Variants in TM9SF3 observed in about 807,000 individuals in gnomAD.
TM9SF3 encodes SM-11044-binding protein.
TM9SF3 carries 14 observed loss-of-function variants against 78.6 expected under a neutral mutation model. The ratio of observed to expected loss-of-function variants is 0.18; its 90% CI spans 0.12 to 0.28. TM9SF3 has a LOEUF of 0.28. TM9SF3 is among the 10% of genes least tolerant of loss of function. The pLI, the probability that TM9SF3 is intolerant of heterozygous loss-of-function variation, is 1.00. For missense variants in TM9SF3, 496 were observed against 721.9 expected, an observed-to-expected ratio of 0.69 and a Z score of 3.59; for synonymous variants, 231 against 241.7, an observed-to-expected ratio of 0.96 and a Z score of 0.41.
chr10:96,543,870 A>C, intron 9 of TM9SF3: 1 of 302,496 alleles, frequency 3.3e-6, no homozygotes, highest in Non-Finnish European at 6.0e-6. Flanking sequence ...TCAAGAAAAA[A>C]TAAAAAGCCA....
chr10:96,556,426 A>G (rs1380831992), intron 5 of TM9SF3, among the ~76,000 whole-genome samples: 2 of 152,196 alleles, frequency 1.3e-5, no homozygotes, highest in African/African-American at 4.8e-5. Flanking sequence ...TCATTTAACC[A>G]AGGTCATAGT....
intron 8 of TM9SF3, 28 bp downstream of exon 8, chr10:96,547,866 AC>A: frequency 6.5e-7 from 1 of 1,535,630 alleles, no homozygotes; most frequent in Non-Finnish European, 8.9e-7. Flanking sequence ...TCTATAATTA[AC>A]AACATGAAGT....
At chr10:96,570,798 T>A (rs1416901650) in intron 2 of TM9SF3, among the ~76,000 whole-genome samples, 1 of 152,104 alleles carries the variant, frequency 6.6e-6, no homozygotes, top group East Asian at 1.9e-4. Context: ...CAGGCTGGAG[T>A]GCAGTGGTAC....
intron 1 of TM9SF3, among the ~76,000 whole-genome samples, chr10:96,580,558 G>A (rs373013724): frequency 6.6e-6 from 1 of 152,066 alleles, no homozygotes; most frequent in Non-Finnish European, 1.5e-5. Context: ...GAGCCACTGC[G>A]CCTGGCCCCA....
At position 96,552,912 on chromosome 10, in the gene TM9SF3, G is replaced by T; in HGVS notation, c.792+16C>A. On this transcript the variant is annotated intron_variant, in intron 6 of 14. Transcript: ENST00000371142. Reference sequence around the variant, plus strand: ...GTTAAAATGTTTCTACAAATATAATGTAAATGTTTACTCACCATATCATCC... The same window carrying T: ...GTTAAAATGTTTCTACAAATATAATTTAAATGTTTACTCACCATATCATCC... The T allele has an allele frequency of 6.6e-7, 1 of 1,510,218 alleles. No individual in the cohort carries two copies. The highest frequency in any genetic ancestry group is 1.4e-5 in the African/African-American group (1 of 69,442). The allele number at this position is 1,510,218 out of a possible 1,614,324, so 93.6% of individuals were successfully genotyped here.
chr10:96,572,788 T>C (rs1335821323), intron 2 of TM9SF3, among the ~76,000 whole-genome samples: 2 of 152,062 alleles, frequency 1.3e-5, no homozygotes, highest in African/African-American at 4.8e-5. Flanking sequence ...AGTGCTGGGA[T>C]TACAGGGGTG....
chr10:96,550,859 A>C (rs1164040701), intron 7 of TM9SF3, among the ~76,000 whole-genome samples: 3 of 152,138 alleles, frequency 2.0e-5, no homozygotes, highest in Admixed American at 2.0e-4. Context: ...CCAGATCTGA[A>C]GGTAAATATG....
chr10:96,562,197 C>T (rs1848316522), intron 3 of TM9SF3, 59 bp from the exon 4 acceptor site: 3 of 1,239,366 alleles, frequency 2.4e-6, no homozygotes, highest in East Asian at 5.1e-5. Context: ...AAATATCCTA[C>T]AAGCTAAATG....
chr10:96,553,135 G>C, intron 5 of TM9SF3, 76 bp from the exon 6 acceptor site: 1 of 1,377,902 alleles, frequency 7.3e-7, no homozygotes, highest in East Asian at 2.6e-5. Flanking sequence ...GAGGACAACC[G>C]GATGTTAATG....
rs138780953 is a variant in TM9SF3, at chr10:96,576,713, G to C, written c.219C>G (p.Ile73Met). ...LPFCVGSKKS[I>M]SHYHETLGEA... ...CTCCCAGAGTTTCATGGTAATGACT[G>C]ATACTTTTTTTTGACCCCACACAGA... Residue 73 changes from isoleucine to methionine, a missense_variant, in exon 2 of 15, where the codon ATC (isoleucine) becomes ATG (methionine). Ile to Met is a conservative substitution (Grantham distance 10). Around this residue, in one of 4 missense-constraint regions of TM9SF3, gnomAD observed 155 missense variants for 241.6 expected, o/e 0.64. Transcript: ENST00000371142. 1 of 1,611,304 alleles carries C rather than the reference G, an allele frequency of 6.2e-7. No individual in the cohort carries two copies. The highest frequency in any genetic ancestry group is 8.5e-7 in the Non-Finnish European group (1 of 1,179,056).
intron 6 of TM9SF3, among the ~76,000 whole-genome samples, 174 bp downstream of exon 6, chr10:96,552,754 T>C (rs1848189283): frequency 6.6e-6 from 1 of 152,186 alleles, no homozygotes; most frequent in African/African-American, 2.4e-5. Context: ...ATTATTTGAT[T>C]ACAGGGCATG....
At chr10:96,554,976 C>T (rs1848216895) in intron 5 of TM9SF3, among the ~76,000 whole-genome samples, 1 of 151,908 alleles carries the variant, frequency 6.6e-6, no homozygotes, top group South Asian at 2.1e-4. Context: ...CTGCTTCATT[C>T]CCATGCCATC....
chr10:96,526,527 T>C (rs1847839897), intron 14 of TM9SF3, among the ~76,000 whole-genome samples: 1 of 152,148 alleles, frequency 6.6e-6, no homozygotes, highest in African/African-American at 2.4e-5. Flanking sequence ...TCACACATTC[T>C]AGAGATTCTA....
Position 96,562,222 on chromosome 10 carries a change from T to G in TM9SF3, c.422-84A>C, listed in dbSNP as rs569088964. 8.9e-5 allele frequency: 98 copies of G among 1,106,336 alleles called. No homozygotes were observed. The South Asian group carries it at 1.2e-3, about 13-fold the overall frequency. The allele number at this position is 1,106,336 out of a possible 1,614,324, so 68.5% of individuals were successfully genotyped here. ...CAAGCTAAATGCTCATTAAGTTTTT[T>G]TTTTTTTTTTTTTTACCTCCGCCCT... On this transcript the variant is annotated intron_variant, in intron 3 of 14. Coordinates refer to ENST00000371142, the MANE Select transcript of TM9SF3 (RefSeq NM_020123.4).
At chr10:96,526,723 C>A (rs1197500435) in intron 14 of TM9SF3, among the ~76,000 whole-genome samples, 1 of 152,086 alleles carries the variant, frequency 6.6e-6, no homozygotes, top group African/African-American at 2.4e-5. Flanking sequence ...GCAATCATAA[C>A]AAGTAAACTG....
chr10:96,580,283 T>TGA (rs1491235508), intron 1 of TM9SF3, among the ~76,000 whole-genome samples: 4 of 151,894 alleles, frequency 2.6e-5, no homozygotes, highest in African/African-American at 7.3e-5. Context: ...TGTGTGTGTG[T>TGA]GAGACGGAGT....
chr10:96,539,945 T>A (rs1848003014), intron 9 of TM9SF3, among the ~76,000 whole-genome samples: 1 of 152,190 alleles, frequency 6.6e-6, no homozygotes, highest in African/African-American at 2.4e-5. Context: ...TCTGCCTATC[T>A]CTTTGCGTTC....
In TM9SF3 at chr10:96,586,763, G is replaced by T; in HGVS notation, c.73C>A (p.Arg25=). 1 of 1,286,140 alleles carries T rather than the reference G, an allele frequency of 7.8e-7. No homozygotes were observed. The highest frequency in any genetic ancestry group is 9.8e-7 in the Non-Finnish European group (1 of 1,016,282). The allele number at this position is 1,286,140 out of a possible 1,614,324, so 79.7% of individuals were successfully genotyped here. Residue 25 remains arginine (R), a synonymous_variant, in exon 1 of 15, where the codon CGG becomes AGG. Coordinates refer to ENST00000371142, the MANE Select transcript of TM9SF3 (RefSeq NM_020123.4). ...TGTTCGTGCTCGTCCGCCCGGGTCC[G>T]GGGCAGCAGCAGCAGCAGCAGCCAC... ...ALWLLLLLLP[R]TRADEHEHTY...
chr10:96,584,730 G>A (rs1848610481), intron 1 of TM9SF3, among the ~76,000 whole-genome samples: 1 of 152,180 alleles, frequency 6.6e-6, no homozygotes, highest in Admixed American at 6.5e-5. Flanking sequence ...AGAATCGCTT[G>A]AGCCCGCAAG....
Sources: allele counts gnomAD v4.1 joint callset (sites outside exome capture counted in the v4.1 genomes callset), GRCh38; gene constraint gnomAD v4.1.1; regional missense constraint gnomAD v4.1.1; transcripts MANE v1.5; gene names NCBI Gene and HGNC (gene_info 2026-07-23, HGNC 2026-07-21).